SLC26A7: variants seen among roughly 807,000 people sequenced by gnomAD.
SLC26A7 encodes anion exchange transporter.
Under a neutral mutation model 82.5 loss-of-function variants are expected in SLC26A7, and 59 were observed. That is an observed-to-expected ratio of 0.72 (90% CI 0.58 to 0.89). The LOEUF (loss-of-function observed/expected upper bound fraction) is 0.89, where lower values mean the gene tolerates loss of function less well. SLC26A7 is among the 40% of genes least tolerant of loss of function. The pLI is 0.00. For synonymous variants in SLC26A7, 271 were observed against 274.3 expected, an observed-to-expected ratio of 0.99 and a Z score of 0.12; for missense variants, 820 against 793.0, an observed-to-expected ratio of 1.03 and a Z score of -0.41.
At chr8:91,345,692 G>A (rs1175159277) in intron 9 of SLC26A7, among the ~76,000 whole-genome samples, 1 of 152,188 alleles carries the variant, frequency 6.6e-6, no homozygotes, top group Non-Finnish European at 1.5e-5. Flanking sequence ...TCTTGAGCAA[G>A]TTAACATACT....
At chr8:91,320,769 C>T (rs909314791) in intron 5 of SLC26A7, among the ~76,000 whole-genome samples, 2 of 152,206 alleles carry the variant, frequency 1.3e-5, no homozygotes, top group Non-Finnish European at 2.9e-5. Flanking sequence ...AATGAATTGA[C>T]ACATTTGTAA....
chr8:91,337,416 T>G (rs1397751301), intron 6 of SLC26A7, among the ~76,000 whole-genome samples: 1 of 152,152 alleles, frequency 6.6e-6, no homozygotes, highest in East Asian at 1.9e-4. Flanking sequence ...TAATATCTAT[T>G]AAAATTATCA....
intron 15 of SLC26A7, among the ~76,000 whole-genome samples, chr8:91,377,666 GCA>G (rs1814554169): frequency 6.6e-6 from 1 of 152,162 alleles, no homozygotes; most frequent in African/African-American, 2.4e-5. Flanking sequence ...CAACAGCATT[GCA>G]CAGTCACAAG....
At chr8:91,322,051 A>C (rs1812804476) in intron 5 of SLC26A7, among the ~76,000 whole-genome samples, 1 of 152,184 alleles carries the variant, frequency 6.6e-6, no homozygotes, top group Admixed American at 6.6e-5. Context: ...TGCATTTTTT[A>C]AGTGTCATTT....
rs567670359 is a variant in SLC26A7 at position 91,292,742 on chromosome 8, T to A, written c.305-2789T>A. 4.9e-3 allele frequency among the ~76,000 whole-genome samples: 747 copies of A among 151,804 alleles called. 7 individuals carry two copies. Among genetic ancestry groups the A allele is most frequent in the African/African-American group, 0.013 (535 of 41,408 alleles). ...TTTAATTTAAAATAGGTTTTTTTTT[T>A]AAAAAAAGGAATAAATCAGTTGATT... On this transcript the variant is annotated intron_variant, in intron 3 of 18. Transcript: ENST00000276609.
intron 2 of SLC26A7, among the ~76,000 whole-genome samples, chr8:91,252,956 C>A (rs1402771073): frequency 6.6e-6 from 1 of 151,700 alleles, no homozygotes; most frequent in Non-Finnish European, 1.5e-5. Flanking sequence ...AGCCTTGGTT[C>A]CTGAGTGACC....
At chr8:91,369,396 C>T (rs1445579187) in intron 14 of SLC26A7, among the ~76,000 whole-genome samples, 1 of 149,322 alleles carries the variant, frequency 6.7e-6, no homozygotes, top group Admixed American at 6.7e-5. Flanking sequence ...CCAGCATTTT[C>T]ATGTAGTGGT....
At chr8:91,280,870 A>G (rs1205102645) in intron 2 of SLC26A7, among the ~76,000 whole-genome samples, 2 of 152,208 alleles carry the variant, frequency 1.3e-5, no homozygotes, top group Non-Finnish European at 2.9e-5. Flanking sequence ...TAAAATATGT[A>G]TGTGTAACAC....
In SLC26A7 at chr8:91,398,037, A is replaced by AT. The variant is rs2130914751; in HGVS notation, c.*2947dup. 6.6e-6 allele frequency: 1 copy of AT among 152,454 alleles called. No homozygotes were observed. Among genetic ancestry groups the AT allele is most frequent in the South Asian group, 2.1e-4 (1 of 4,824 alleles). The allele number at this position is 152,454 out of a possible 1,614,324, so 9.4% of individuals were successfully genotyped here. Reference sequence around the variant, plus strand: ...TCATGTAGTCTAATATGCTGCAGTTATTTTTTTATATTTTTCAATGCATTT... The same window carrying AT: ...TCATGTAGTCTAATATGCTGCAGTTATTTTTTTTATATTTTTCAATGCATTT... On this transcript the variant is annotated 3_prime_UTR_variant, in exon 19 of 19. Coordinates refer to ENST00000276609, the MANE Select transcript of SLC26A7 (RefSeq NM_052832.4).
chr8:91,370,025 A>G (rs956313840), intron 15 of SLC26A7, among the ~76,000 whole-genome samples, 192 bp downstream of exon 15: 3 of 151,786 alleles, frequency 2.0e-5, no homozygotes, highest in Middle Eastern at 3.2e-3. Flanking sequence ...TATGTTACCA[A>G]ATAAGCACTA....
intron 2 of SLC26A7, among the ~76,000 whole-genome samples, chr8:91,239,166 C>T (rs542075489): frequency 2.0e-5 from 3 of 151,878 alleles, no homozygotes; most frequent in Non-Finnish European, 4.4e-5. Context: ...GTCTGGATAT[C>T]GAGACTATCC....
At chr8:91,318,061 C>A (rs1354302448) in intron 4 of SLC26A7, among the ~76,000 whole-genome samples, 155 bp from the exon 5 acceptor site, 2 of 151,230 alleles carry the variant, frequency 1.3e-5, no homozygotes, top group Non-Finnish European at 2.9e-5. Context: ...CAGGGAAACC[C>A]AAGATATTGT....
At chr8:91,227,093 T>A (rs1337223458) in intron 2 of SLC26A7, among the ~76,000 whole-genome samples, 1 of 152,212 alleles carries the variant, frequency 6.6e-6, no homozygotes, top group Admixed American at 6.5e-5. Flanking sequence ...TATACATGTA[T>A]GTGTATGTGT....
At chr8:91,246,241 T>C (rs897041831), upstream of SLC26A7, among the ~76,000 whole-genome samples, 1 of 152,212 alleles carries the variant, frequency 6.6e-6, no homozygotes, top group Non-Finnish European at 1.5e-5. Flanking sequence ...GTGAATCCAA[T>C]GTCTGCAGCT....
chr8:91,300,547 G>A lies in SLC26A7; in HGVS notation c.477+4844G>A, dbSNP rs1189552462. On this transcript the variant is annotated intron_variant, in intron 4 of 18. Coordinates refer to ENST00000276609, the MANE Select transcript of SLC26A7 (RefSeq NM_052832.4). The stretch of plus-strand genomic sequence containing the variant: ...CAAGTAGCTGGGACTACAGGCGCCC[G>A]CCACTACGCCCGGCTAATTTTTTGT... Among the ~76,000 whole-genome samples, 8 of 151,810 alleles carry A rather than the reference G, an allele frequency of 5.3e-5. No individual in the cohort carries two copies. The East Asian group carries it at 7.7e-4, about 15-fold the overall frequency.
intron 6 of SLC26A7, among the ~76,000 whole-genome samples, chr8:91,335,881 G>A (rs890246041): frequency 1.1e-4 from 16 of 152,252 alleles, no homozygotes; most frequent in African/African-American, 3.1e-4. Flanking sequence ...ATGTGGCAGC[G>A]TGGGGAGACC....
intron 5 of SLC26A7, among the ~76,000 whole-genome samples, chr8:91,323,792 A>C (rs923952209): frequency 6.8e-6 from 1 of 148,066 alleles, no homozygotes; most frequent in Non-Finnish European, 1.5e-5. Flanking sequence ...ATCCAACTTA[A>C]TCTTTCCCTT....
chr8:91,318,984 G>C (rs1458400861), intron 5 of SLC26A7, among the ~76,000 whole-genome samples: 1 of 152,162 alleles, frequency 6.6e-6, no homozygotes, highest in African/African-American at 2.4e-5. Flanking sequence ...AAAAAGCCTT[G>C]TTAATGAATT....
At chr8:91,336,733 T>C (rs1206428426) in intron 6 of SLC26A7, among the ~76,000 whole-genome samples, 1 of 152,126 alleles carries the variant, frequency 6.6e-6, no homozygotes, top group African/African-American at 2.4e-5. Flanking sequence ...TTAATTTTGG[T>C]AAAGAAATAC....
Sources: allele counts gnomAD v4.1 joint callset (sites outside exome capture counted in the v4.1 genomes callset), GRCh38; gene constraint gnomAD v4.1.1; transcripts MANE v1.5; gene names NCBI Gene and HGNC (gene_info 2026-07-23, HGNC 2026-07-21).